The following PLEKHH2 variants were observed in gnomAD, a reference collection of about 807,000 sequenced individuals.
PLEKHH2 encodes the protein pleckstrin homology, MyTH4 and FERM domain containing H2.
PLEKHH2 carries 129 observed loss-of-function variants against 187.9 expected under a neutral mutation model. The ratio of observed to expected loss-of-function variants is 0.69; its 90% CI spans 0.59 to 0.79. PLEKHH2 has a LOEUF of 0.79. PLEKHH2 is among the 30% of genes least tolerant of loss of function. The pLI, the probability that PLEKHH2 is intolerant of heterozygous loss-of-function variation, is 0.00. For missense variants in PLEKHH2, 2,076 were observed against 1,751.2 expected, an observed-to-expected ratio of 1.19 and a Z score of -3.31; for synonymous variants, 686 against 605.6, an observed-to-expected ratio of 1.13 and a Z score of -1.95.
chr2:43,702,527 CTTTTTTTT>C (rs1167078689), intron 8 of PLEKHH2, among the ~76,000 whole-genome samples: 2 of 57,418 alleles, frequency 3.5e-5, no homozygotes, highest in African/African-American at 9.5e-5. Context: ...CATTCTACTA[CTTTTTTTT>C]TTTTTTTTTT....
At chr2:43,667,893 TA>T (rs200227030) in intron 2 of PLEKHH2, among the ~76,000 whole-genome samples, 2 of 151,052 alleles carry the variant, frequency 1.3e-5, no homozygotes, top group East Asian at 3.9e-4. Context: ...GTGAATATAG[TA>T]AAAAAAAACG....
chr2:43,765,658 T>C lies in PLEKHH2; in HGVS notation c.*60T>C. 6.5e-7 allele frequency: 1 copy of C among 1,530,118 alleles called. No individual in the cohort carries two copies. Among genetic ancestry groups the C allele is most frequent in the Non-Finnish European group, 8.8e-7 (1 of 1,135,530 alleles). The allele number at this position is 1,530,118 out of a possible 1,614,324, so 94.8% of individuals were successfully genotyped here. On this transcript the variant is annotated 3_prime_UTR_variant, in exon 30 of 30. Transcript: ENST00000282406. The stretch of plus-strand genomic sequence containing the variant: ...CCATGCTGTGGCTGTATCAGCTCCC[T>C]ACAAGTTCGTTTACACCTGGCAGCA...
intron 16 of PLEKHH2, among the ~76,000 whole-genome samples, chr2:43,725,568 GAA>G (rs1670699239): frequency 1.3e-5 from 2 of 152,196 alleles, no homozygotes; most frequent in Non-Finnish European, 1.5e-5. Flanking sequence ...TTTTAAAAAG[GAA>G]AGTTTTCTGC....
At chr2:43,654,064 C>T (rs116418567) in intron 2 of PLEKHH2, among the ~76,000 whole-genome samples, 2,281 of 151,948 alleles carry the variant, frequency 0.015, 60 homozygotes, top group African/African-American at 0.052. Flanking sequence ...TAAGAAATCA[C>T]TAAACTAAAA....
chr2:43,680,799 C>T (rs10178541), intron 3 of PLEKHH2: 177,230 of 382,474 alleles, frequency 0.46, 43,671 homozygotes, highest in Non-Finnish European at 0.51. Context: ...ATTTTCTTGA[C>T]ACTACCAATT....
intron 17 of PLEKHH2, among the ~76,000 whole-genome samples, chr2:43,726,809 A>G (rs1240638693): frequency 6.6e-6 from 1 of 152,148 alleles, no homozygotes; most frequent in African/African-American, 2.4e-5. Flanking sequence ...ATACAGTAGA[A>G]AATTAATTAT....
At chr2:43,739,846 G>A (rs750691112) in intron 20 of PLEKHH2, among the ~76,000 whole-genome samples, 13 of 152,072 alleles carry the variant, frequency 8.5e-5, no homozygotes, top group Non-Finnish European at 1.3e-4. Flanking sequence ...CTTCCCTTCC[G>A]TAGACTTTAT....
chr2:43,672,533 CT>C (rs1178963364), intron 2 of PLEKHH2, among the ~76,000 whole-genome samples: 1 of 152,180 alleles, frequency 6.6e-6, no homozygotes, highest in Non-Finnish European at 1.5e-5. Context: ...CACTAATGAC[CT>C]CCTAATTAGC....
intron 2 of PLEKHH2, among the ~76,000 whole-genome samples, chr2:43,660,603 A>G (rs1372693833): frequency 3.6e-5 from 5 of 138,544 alleles, no homozygotes; most frequent in Non-Finnish European, 6.2e-5. Flanking sequence ...ATATCTCCCA[A>G]TGCCACCCCT....
At chr2:43,762,662 T>G (rs1021153602) in intron 28 of PLEKHH2, among the ~76,000 whole-genome samples, 1 of 152,228 alleles carries the variant, frequency 6.6e-6, no homozygotes, top group African/African-American at 2.4e-5. Context: ...AAATGATTAT[T>G]TTTTAAAAGT....
chr2:43,646,241 C>T (rs79593341), intron 2 of PLEKHH2, among the ~76,000 whole-genome samples: 1 of 152,118 alleles, frequency 6.6e-6, no homozygotes, highest in Non-Finnish European at 1.5e-5. Context: ...TCTAACGTAA[C>T]TTAGTGACTC....
intron 2 of PLEKHH2, among the ~76,000 whole-genome samples, chr2:43,646,368 C>G (rs1476890978): frequency 1.3e-5 from 2 of 152,142 alleles, no homozygotes; most frequent in Non-Finnish European, 2.9e-5. Context: ...TCAGGATCCA[C>G]CAATTATGTC....
At chr2:43,704,662 T>TAAAAAAAAAA (rs70965318) in intron 9 of PLEKHH2, among the ~76,000 whole-genome samples, 3 of 84,294 alleles carry the variant, frequency 3.6e-5, no homozygotes, top group African/African-American at 1.4e-4. Flanking sequence ...GATTCTGTCT[T>TAAAAAAAAAA]AAAAAAAAAA....
chr2:43,711,919 G>C lies in PLEKHH2; in HGVS notation c.2302-306G>C. On this transcript the variant is annotated intron_variant, in intron 14 of 29. Coordinates refer to ENST00000282406, the MANE Select transcript of PLEKHH2 (RefSeq NM_172069.4). Reference sequence around the variant, plus strand: ...AAAAAAAAAAAAAAAAGAAAAGTAGGAACCTGTAACACATTTAAGCAAGAA... The same window carrying C: ...AAAAAAAAAAAAAAAAGAAAAGTAGCAACCTGTAACACATTTAAGCAAGAA... 3.9e-6 allele frequency: 4 copies of C among 1,019,322 alleles called. No homozygotes were observed. In the Middle Eastern group the frequency reaches 1.9e-3, roughly 474 times the overall value. The allele number at this position is 1,019,322 out of a possible 1,614,324, so 63.1% of individuals were successfully genotyped here. A position where few individuals can be genotyped will look rare whatever the true frequency, so the allele number is the denominator to read the frequency against.
At position 43,767,392 on chromosome 2, in the gene PLEKHH2, T is replaced by C. The variant is rs553814680; in HGVS notation, c.*1794T>C. On this transcript the variant is annotated 3_prime_UTR_variant, in exon 30 of 30. Coordinates refer to ENST00000282406, the MANE Select transcript of PLEKHH2 (RefSeq NM_172069.4). ...ATTGCTCAAATAATATTTTACTTTA[T>C]TGATAATGACAAAAAGAATATTTTT... The C allele has an allele frequency of 7.2e-5, 11 of 152,364 alleles. No individual in the cohort carries two copies. The highest frequency in any genetic ancestry group is 1.5e-4 in the Non-Finnish European group (10 of 68,036). 9.4% of individuals were successfully genotyped at this position (152,364 alleles called of 1,614,324 possible). A position where few individuals can be genotyped will look rare whatever the true frequency, so the allele number is the denominator to read the frequency against.
At chr2:43,684,809 C>T (rs1315211935) in intron 3 of PLEKHH2, among the ~76,000 whole-genome samples, 1 of 143,114 alleles carries the variant, frequency 7.0e-6, no homozygotes, top group Non-Finnish European at 1.5e-5. Context: ...CATACTGCTA[C>T]TCCCATTACC....
At position 43,762,190 on chromosome 2, in the gene PLEKHH2, T is replaced by G. The variant is rs751778557; in HGVS notation, c.4072-114T>G. The G allele has an allele frequency of 3.9e-4, 302 of 774,558 alleles. 1 individual carries two copies. Among genetic ancestry groups the G allele is most frequent in the Middle Eastern group, 5.7e-4 (2 of 3,486 alleles). The allele number at this position is 774,558 out of a possible 1,614,324, so 48.0% of individuals were successfully genotyped here. Reference sequence around the variant, plus strand: ...TTCCTAGGCGAGATTTTTAATAAATTTTTGTTGTTATTATTGTTGTTTAAT... The same window carrying G: ...TTCCTAGGCGAGATTTTTAATAAATGTTTGTTGTTATTATTGTTGTTTAAT... On this transcript the variant is annotated intron_variant, in intron 27 of 29. Transcript: ENST00000282406.
intron 2 of PLEKHH2, among the ~76,000 whole-genome samples, chr2:43,648,334 AC>A (rs1295528854): frequency 6.6e-6 from 1 of 151,910 alleles, no homozygotes; most frequent in Non-Finnish European, 1.5e-5. Context: ...GACTACAGGC[AC>A]ATACCACCAC....
chr2:43,706,292 A>G (rs1398834518), intron 9 of PLEKHH2, 30 bp from the exon 10 acceptor site: 3 of 1,495,866 alleles, frequency 2.0e-6, no homozygotes, highest in Non-Finnish European at 2.8e-6. Flanking sequence ...GAAGTTTTTT[A>G]AAATGTTGTT....
Sources: allele counts gnomAD v4.1 joint callset (sites outside exome capture counted in the v4.1 genomes callset), GRCh38; gene constraint gnomAD v4.1.1; transcripts MANE v1.5; gene names NCBI Gene and HGNC (gene_info 2026-07-23, HGNC 2026-07-21).